Variants in CDH18 observed in about 807,000 individuals in gnomAD.
CDH18 encodes cadherin-18.
CDH18 carries 31 observed loss-of-function variants against 67.9 expected under a neutral mutation model. The ratio of observed to expected loss-of-function variants is 0.46; its 90% CI spans 0.34 to 0.62. The LOEUF (loss-of-function observed/expected upper bound fraction) is 0.62, where lower values mean the gene tolerates loss of function less well. CDH18 is among the 20% of genes least tolerant of loss of function. The pLI is 0.01. For missense variants in CDH18, 890 were observed against 975.5 expected (o/e 0.91, Z 1.17); for synonymous variants, 362 against 347.2 (o/e 1.04, Z -0.48).
intron 1 of CDH18, among the ~76,000 whole-genome samples, chr5:20,372,430 C>G (rs781156921): frequency 5.9e-5 from 9 of 151,964 alleles, no homozygotes; most frequent in Non-Finnish European, 1.3e-4. Context: ...CTACTTAATA[C>G]TAGATCTTAT....
chr5:19,622,244 A>T (rs1750826897), intron 5 of CDH18, among the ~76,000 whole-genome samples: 1 of 152,258 alleles, frequency 6.6e-6, no homozygotes, highest in African/African-American at 2.4e-5. Context: ...ATGGTAAGTA[A>T]ACTCGGGTTA....
At chr5:19,576,946 T>C (rs980886067) in intron 7 of CDH18, among the ~76,000 whole-genome samples, 8 of 152,212 alleles carry the variant, frequency 5.3e-5, no homozygotes, top group African/African-American at 1.9e-4. Context: ...TGTAACAACA[T>C]GTGTGAACGT....
At chr5:19,569,934 TC>T (rs149713671) in intron 8 of CDH18, among the ~76,000 whole-genome samples, 2,709 of 152,284 alleles carry the variant, frequency 0.018, 85 homozygotes, top group African/African-American at 0.062. Context: ...TGGTTGCACT[TC>T]CTGTTTTTTT....
intron 2 of CDH18, among the ~76,000 whole-genome samples, chr5:20,187,177 T>C (rs1019081308): frequency 3.3e-5 from 5 of 151,792 alleles, no homozygotes; most frequent in African/African-American, 1.2e-4. Flanking sequence ...AGAGTTTCAT[T>C]TGGACAAGAT....
rs1187796185 is a variant in CDH18, at chr5:19,760,378, G to C, written c.229-13142C>G. ...GTCTAAAGTGACTAATCCACTCCAC[G>C]ATCCCGATTTCCCTAGCCCTTTGGA... On this transcript the variant is annotated intron_variant, in intron 3 of 12. Transcript: ENST00000382275. Among the ~76,000 whole-genome samples the C allele has an allele frequency of 2.0e-5, 3 of 152,070 alleles. No homozygotes were observed. The South Asian group carries it at 6.2e-4, about 32-fold the overall frequency.
intron 2 of CDH18, among the ~76,000 whole-genome samples, chr5:19,941,394 C>T (rs188305319): frequency 4.1e-4 from 62 of 152,192 alleles, no homozygotes; most frequent in South Asian, 1.0e-3. Flanking sequence ...GCACATAGCA[C>T]ATGTTTGGTT....
intron 1 of CDH18, among the ~76,000 whole-genome samples, chr5:20,448,394 C>A (rs1020861837): frequency 6.6e-6 from 1 of 151,836 alleles, no homozygotes; most frequent in Non-Finnish European, 1.5e-5. Flanking sequence ...TTTCATCAGG[C>A]ATGACAGATA....
chr5:20,053,642 T>C (rs1484191673), intron 2 of CDH18, among the ~76,000 whole-genome samples: 4 of 152,136 alleles, frequency 2.6e-5, no homozygotes, highest in African/African-American at 9.7e-5. Context: ...TGACCACTTG[T>C]AAATCCAAAG....
chr5:19,661,990 C>T (rs921709724), intron 5 of CDH18, among the ~76,000 whole-genome samples: 1 of 151,956 alleles, frequency 6.6e-6, no homozygotes, highest in Non-Finnish European at 1.5e-5. Context: ...TAATTCATAA[C>T]GAGCATGTCT....
chr5:19,665,665 G>A (rs1040013842), intron 5 of CDH18, among the ~76,000 whole-genome samples: 3 of 151,982 alleles, frequency 2.0e-5, no homozygotes, highest in African/African-American at 7.2e-5. Context: ...ATGGATCAGG[G>A]TATTAACATA....
chr5:19,896,648 A>C (rs1391195233), intron 2 of CDH18, among the ~76,000 whole-genome samples: 2 of 152,200 alleles, frequency 1.3e-5, no homozygotes, highest in African/African-American at 4.8e-5. Flanking sequence ...GAACAGTGAA[A>C]ACCAATTTCT....
intron 1 of CDH18, among the ~76,000 whole-genome samples, chr5:20,395,656 A>G (rs952548087): frequency 1.3e-5 from 2 of 152,188 alleles, no homozygotes; most frequent in Non-Finnish European, 2.9e-5. Context: ...ATGTCCCAAA[A>G]CCCTTGGAAT....
chr5:20,023,854 G>A (rs1007802177), intron 2 of CDH18, among the ~76,000 whole-genome samples: 2 of 152,040 alleles, frequency 1.3e-5, no homozygotes, highest in African/African-American at 4.8e-5. Context: ...GAATCATATT[G>A]CATATGATCT....
intron 1 of CDH18, among the ~76,000 whole-genome samples, chr5:20,423,135 C>G (rs568051811): frequency 6.6e-6 from 1 of 151,270 alleles, no homozygotes; most frequent in Admixed American, 6.6e-5. Flanking sequence ...CTGTGCACTG[C>G]GCGCTGGAAC....
chr5:20,006,373 C>G (rs1736905559), intron 2 of CDH18, among the ~76,000 whole-genome samples: 1 of 151,676 alleles, frequency 6.6e-6, no homozygotes, highest in African/African-American at 2.4e-5. Context: ...TATTTTCTAC[C>G]AAAAGAATTT....
At chr5:20,454,156 G>A (rs560164577) in intron 1 of CDH18, among the ~76,000 whole-genome samples, 138 of 152,190 alleles carry the variant, frequency 9.1e-4, no homozygotes, top group South Asian at 6.8e-3. Context: ...TTATGTTATA[G>A]CTTCTATATT....
chr5:19,665,287 T>C (rs1208693026), intron 5 of CDH18, among the ~76,000 whole-genome samples: 1 of 152,046 alleles, frequency 6.6e-6, no homozygotes, highest in Non-Finnish European at 1.5e-5. Context: ...GGAAAATTAT[T>C]TTCTGTATAA....
At chr5:19,519,007 C>CA (rs1746466042) in intron 10 of CDH18, among the ~76,000 whole-genome samples, 1 of 152,056 alleles carries the variant, frequency 6.6e-6, no homozygotes, top group Admixed American at 6.6e-5. Flanking sequence ...CACTAATGCC[C>CA]AAATAAAGCA....
At chr5:20,477,018 C>A (rs963270408) in intron 1 of CDH18, among the ~76,000 whole-genome samples, 16 of 152,016 alleles carry the variant, frequency 1.1e-4, no homozygotes, top group African/African-American at 3.9e-4. Context: ...ATCGAGATTA[C>A]AGAGTTTTAG....
Sources: allele counts gnomAD v4.1 joint callset (sites outside exome capture counted in the v4.1 genomes callset), GRCh38; gene constraint gnomAD v4.1.1; transcripts MANE v1.5; gene names NCBI Gene and HGNC (gene_info 2026-07-23, HGNC 2026-07-21).